Variants in CRLF2 observed in about 807,000 individuals in gnomAD.
The protein encoded by CRLF2 is cytokine receptor-like factor 2.
A neutral mutation model predicts 38.7 loss-of-function variants in CRLF2; 41 were observed. The observed-to-expected ratio is 1.06, with a 90% confidence interval of 0.83 to 1.37. The LOEUF is 1.37. CRLF2 is among the 40% of genes most tolerant of loss of function. The probability of loss-of-function intolerance (pLI) is 0.00; values close to 1 mark genes in which losing one functional copy is unlikely to be tolerated. For missense variants in CRLF2, 377 were observed against 322.2 expected, an observed-to-expected ratio of 1.17 and a Z score of -1.30; for synonymous variants, 140 against 128.8, an observed-to-expected ratio of 1.09 and a Z score of -0.59.
intron 3 of CRLF2, 125 bp from the exon 4 acceptor site, chrX:1,202,660 C>CT: frequency 9.2e-7 from 1 of 1,091,062 alleles, no homozygotes; most frequent in Non-Finnish European, 1.4e-6. Context: ...TCTCGGGGTT[C>CT]ACCCGTCCTC....
At chrX:1,207,133 A>T (rs1179192670) in intron 2 of CRLF2, among the ~76,000 whole-genome samples, 22 of 150,680 alleles carry the variant, frequency 1.5e-4, no homozygotes, top group African/African-American at 5.1e-4. Flanking sequence ...TTTAATAGAG[A>T]TGGGATTTCG....
chrX:1,209,465 G>T (rs867453625), intron 1 of CRLF2, among the ~76,000 whole-genome samples: 21 of 151,698 alleles, frequency 1.4e-4, no homozygotes, highest in South Asian at 8.3e-4. Flanking sequence ...CCGAGTAGCT[G>T]GGGCTACAGG....
At chrX:1,209,386 C>T (rs1289595213) in intron 1 of CRLF2, among the ~76,000 whole-genome samples, 2 of 151,508 alleles carry the variant, frequency 1.3e-5, no homozygotes, top group Admixed American at 1.3e-4. Flanking sequence ...GGCTGGACTG[C>T]AGTGGCGCAA....
chrX:1,209,566 C>T (rs1407556364), intron 1 of CRLF2, among the ~76,000 whole-genome samples: 4 of 151,774 alleles, frequency 2.6e-5, no homozygotes, highest in East Asian at 1.9e-4. Context: ...CTCCTGACCT[C>T]GTGATCCGCC....
At chrX:1,198,005 A>AG (rs1202665425) in intron 5 of CRLF2, among the ~76,000 whole-genome samples, 2 of 152,114 alleles carry the variant, frequency 1.3e-5, no homozygotes, top group East Asian at 3.9e-4. Context: ...TCTCAAAAAA[A>AG]CAAAAGAAAG....
chrX:1,200,102 G>GTA (rs2086574812), intron 4 of CRLF2, among the ~76,000 whole-genome samples: 2 of 111,384 alleles, frequency 1.8e-5, no homozygotes. Context: ...TAAGCTGTGT[G>GTA]TGTATATATA....
chrX:1,207,374 G>A (rs1378492195), intron 2 of CRLF2, among the ~76,000 whole-genome samples: 8 of 151,990 alleles, frequency 5.3e-5, no homozygotes, highest in African/African-American at 1.9e-4. Context: ...TCCTGCCTCA[G>A]CCTCCCAAGT....
rs1427623789 is a variant in CRLF2 at position 1,202,425 on chromosome X, T to G, written c.460A>C (p.Ser154Arg). ...GDLLYEVQYR[S>R]PFDTEWQSKQ... ...ACCTGCCACTCGGTGTCGAAGGGGC[T>G]CCGGTACTGAACCTCATAGAGGAGA... Residue 154 changes from serine (S) to arginine (R), a missense_variant, in exon 4 of 8, where the codon AGC (serine) becomes CGC (arginine). Ser to Arg is a moderately radical substitution (Grantham distance 110). Transcript: ENST00000400841. 1.2e-6 allele frequency: 2 copies of G among 1,613,580 alleles called. No individual in the cohort carries two copies. Among genetic ancestry groups the G allele is most frequent in the Middle Eastern group, 1.7e-4 (1 of 6,052 alleles).
intron 4 of CRLF2, among the ~76,000 whole-genome samples, chrX:1,200,643 G>T (rs2086587655): frequency 9.1e-6 from 1 of 109,908 alleles, no homozygotes. Flanking sequence ...TATAAGGTAT[G>T]TATATATGTG....
chrX:1,191,290 C>CTT (rs2086368271), intron 7 of CRLF2, 130 bp from the exon 8 acceptor site: 20 of 341,030 alleles, frequency 5.9e-5, no homozygotes, highest in South Asian at 3.5e-4. Flanking sequence ...TCTTTCTTTT[C>CTT]TTTTCTCTTT....
Position 1,206,593 on chromosome X carries a change from G to A in CRLF2, c.189C>T (p.Asn63=), listed in dbSNP as rs373594383. ...TGCACTGGTCATAGGCCTCATCACC[G>A]TTGAATCTGTGGTTTAAAACGATGA... ...RTNLTFHYRF[N]GDEAYDQCTN... Residue 63 remains asparagine, a synonymous_variant, in exon 3 of 8, where the codon AAC becomes AAT. Coordinates refer to ENST00000400841, the MANE Select transcript of CRLF2 (RefSeq NM_022148.4). 3.5e-5 allele frequency: 56 copies of A among 1,612,870 alleles called. No homozygotes were observed. The highest frequency in any genetic ancestry group is 4.3e-5 in the Non-Finnish European group (51 of 1,179,276).
intron 6 of CRLF2, among the ~76,000 whole-genome samples, chrX:1,194,995 G>A (rs1343801017): frequency 1.3e-5 from 2 of 151,984 alleles, no homozygotes; most frequent in South Asian, 2.1e-4. Flanking sequence ...TCATGCCACT[G>A]TACTCCAGCC....
chrX:1,202,530 G>A lies in CRLF2; in HGVS notation c.355C>T (p.Pro119Ser), dbSNP rs771354567. The A allele has an allele frequency of 1.9e-6, 3 of 1,613,696 alleles. No homozygotes were observed. Among genetic ancestry groups the A allele is most frequent in the Non-Finnish European group, 2.5e-6 (3 of 1,179,680 alleles). The change falls in exon 4 of 8, where the codon CCC becomes TCC. Residue 119 changes from proline (P) to serine (S), a missense_variant. By Grantham distance (74) the Pro-to-Ser change is moderately conservative. Coordinates refer to ENST00000400841, the MANE Select transcript of CRLF2 (RefSeq NM_022148.4). Reference protein sequence around the residue: ...ASRWMVYYLKPSSPKHVRFSW... With the variant: ...ASRWMVYYLKSSSPKHVRFSW... ...AATCTCACGTGCTTCGGGGAACTGGGTTTCACTGAGAAGAAGAAATAACGG... is the reference window on the plus strand; with the variant it reads ...AATCTCACGTGCTTCGGGGAACTGGATTTCACTGAGAAGAAGAAATAACGG...
intron 1 of CRLF2, among the ~76,000 whole-genome samples, chrX:1,210,097 C>T (rs757511641): frequency 1.3e-5 from 1 of 77,604 alleles, no homozygotes; most frequent in South Asian, 4.5e-4. Flanking sequence ...CAGCAAGACT[C>T]CCTATCAAAA....
intron 6 of CRLF2, among the ~76,000 whole-genome samples, 155 bp from the exon 7 acceptor site, chrX:1,193,457 G>A (rs1264297707): frequency 1.3e-5 from 2 of 152,132 alleles, no homozygotes; most frequent in East Asian, 3.9e-4. Flanking sequence ...GCTCCCCAGG[G>A]ACCCTGCCTC....
chrX:1,211,168 AATGGATGG>A (rs771886142), intron 1 of CRLF2, among the ~76,000 whole-genome samples: 37 of 125,962 alleles, frequency 2.9e-4, no homozygotes, highest in African/African-American at 5.3e-4. Flanking sequence ...TACATAGGTG[AATGGATGG>A]ATGGATGGAT....
In CRLF2 at chrX:1,192,720, CTTTCTTTCT is replaced by C. The variant is rs1325949623; in HGVS notation, c.852+489_852+497del. 1.9e-3 allele frequency among the ~76,000 whole-genome samples: 100 copies of C among 51,806 alleles called. 2 individuals are homozygous for C. The South Asian group carries it at 0.024, about 12-fold the overall frequency. The allele number at this position is 51,806 out of a possible 152,430, so 34.0% of individuals were successfully genotyped here. A position where few individuals can be genotyped will look rare whatever the true frequency, so the allele number is the denominator to read the frequency against. Reference sequence around the variant, plus strand: ...TTCTTTTCTTTTCTTTTCTTTCTTTCTTTCTTTCTTTCTTTCTTTCTTTCTTTCTTTCTT... The same window carrying C: ...TTCTTTTCTTTTCTTTTCTTTCTTTCTTCTTTCTTTCTTTCTTTCTTTCTT... On this transcript the variant is annotated intron_variant, in intron 7 of 7. Transcript: ENST00000400841.
chrX:1,209,157 C>T (rs1294958152), intron 1 of CRLF2, among the ~76,000 whole-genome samples: 8 of 151,376 alleles, frequency 5.3e-5, no homozygotes, highest in East Asian at 2.0e-4. Flanking sequence ...TTAGTAGAGA[C>T]GGGGTTTCAC....
chrX:1,192,748 C>CTT (rs1259005599), intron 7 of CRLF2, among the ~76,000 whole-genome samples: 1 of 119,024 alleles, frequency 8.4e-6, no homozygotes, highest in East Asian at 2.4e-4. Flanking sequence ...TTCTTTCTTT[C>CTT]TTTCTTTCTT....
Sources: gnomAD v4.1 joint callset for allele counts (sites outside exome capture counted in the v4.1 genomes callset) on GRCh38, gnomAD v4.1.1 for gene constraint, MANE v1.5 for transcripts, NCBI Gene and HGNC (gene_info 2026-07-23, HGNC 2026-07-21) for gene names.